Variants in OR2L13 observed in about 807,000 individuals in gnomAD.
The protein encoded by OR2L13 is olfactory receptor family 2 subfamily L member 13.
Under a neutral mutation model 15.3 loss-of-function variants are expected in OR2L13, and 14 were observed. The ratio of observed to expected loss-of-function variants is 0.91; its 90% CI spans 0.60 to 1.43. The LOEUF is 1.43. OR2L13 is among the 40% of genes most tolerant of loss of function. The pLI is 0.00. For synonymous variants in OR2L13, 152 were observed against 142.9 expected (o/e 1.06, Z -0.45); for missense variants, 367 against 387.9 (o/e 0.95, Z 0.45).
At chr1:248,096,397 T>C (rs570484766), upstream of OR2L13, among the ~76,000 whole-genome samples, 3 of 145,134 alleles carry the variant, frequency 2.1e-5, no homozygotes, top group African/African-American at 7.7e-5. Context: ...AAAAAAAAAA[T>C]GAAAACCAAG....
chr1:248,054,277 G>A, the OR2L13 span, among the ~76,000 whole-genome samples: 2 of 152,106 alleles, frequency 1.3e-5, no homozygotes, highest in Non-Finnish European at 2.9e-5. Flanking sequence ...TAGATGTGCA[G>A]TTTTATTTCT....
the OR2L13 span, among the ~76,000 whole-genome samples, chr1:247,967,231 GTTT>G: frequency 6.6e-6 from 1 of 151,762 alleles, no homozygotes; most frequent in Admixed American, 6.6e-5. Flanking sequence ...TTGTTTGTTT[GTTT>G]TTTTGTTTTT....
chr1:248,054,318 T>C, the OR2L13 span, among the ~76,000 whole-genome samples: 4 of 152,234 alleles, frequency 2.6e-5, no homozygotes, highest in African/African-American at 9.6e-5. Flanking sequence ...TTGGTCTATG[T>C]GCTTGTTTTT....
the OR2L13 span, among the ~76,000 whole-genome samples, chr1:248,030,800 G>A: frequency 6.6e-6 from 1 of 152,028 alleles, no homozygotes; most frequent in Non-Finnish European, 1.5e-5. Flanking sequence ...ATGGAATCAC[G>A]GAACAATCCT....
chr1:247,982,483 G>T, the OR2L13 span, among the ~76,000 whole-genome samples: 1 of 152,192 alleles, frequency 6.6e-6, no homozygotes, highest in Admixed American at 6.5e-5. Flanking sequence ...ATGCAATGAT[G>T]CATTCTGACT....
the OR2L13 span, among the ~76,000 whole-genome samples, chr1:248,025,661 G>A: frequency 4.0e-4 from 59 of 146,774 alleles, no homozygotes; most frequent in South Asian, 1.9e-3. Flanking sequence ...TATGTTTATC[G>A]CGGCACTATT....
chr1:247,948,868 A>G, the OR2L13 span: 26 of 1,603,726 alleles, frequency 1.6e-5, no homozygotes, highest in East Asian at 8.9e-5. Flanking sequence ...ATGGAAAATT[A>G]CAATCAAACA....
At chr1:248,002,908 T>C in the OR2L13 span, among the ~76,000 whole-genome samples, 1 of 151,902 alleles carries the variant, frequency 6.6e-6, no homozygotes, top group East Asian at 1.9e-4. Context: ...TGTTTGGAAC[T>C]GTTTCAGAAG....
chr1:247,988,075 T>G, the OR2L13 span, among the ~76,000 whole-genome samples: 1 of 152,166 alleles, frequency 6.6e-6, no homozygotes, highest in Non-Finnish European at 1.5e-5. Context: ...TAGGAAAATA[T>G]TTCTCACTTT....
the OR2L13 span, chr1:248,003,967 C>G: frequency 6.2e-7 from 1 of 1,613,938 alleles, no homozygotes. Flanking sequence ...TCTACACCAC[C>G]CTCACCCCAA....
At chr1:247,998,325 G>A in the OR2L13 span, among the ~76,000 whole-genome samples, 1 of 152,074 alleles carries the variant, frequency 6.6e-6, no homozygotes, top group Admixed American at 6.6e-5. Flanking sequence ...ATCAATGGAA[G>A]AGATAGGGAT....
At chr1:247,969,402 G>A in the OR2L13 span, among the ~76,000 whole-genome samples, 7 of 152,080 alleles carry the variant, frequency 4.6e-5, no homozygotes, top group African/African-American at 1.7e-4. Context: ...TGGTGTTTTA[G>A]TCATGAAGTC....
the OR2L13 span, among the ~76,000 whole-genome samples, chr1:248,068,450 A>G: frequency 6.6e-6 from 1 of 152,232 alleles, no homozygotes; most frequent in Non-Finnish European, 1.5e-5. Flanking sequence ...GTCTGTTAGA[A>G]GGAAAACTAA....
At chr1:247,994,085 C>T in the OR2L13 span, among the ~76,000 whole-genome samples, 1 of 152,114 alleles carries the variant, frequency 6.6e-6, no homozygotes, top group Non-Finnish European at 1.5e-5. Context: ...CCCATTTGGT[C>T]TCAGAAGCTG....
exon 3 of OR2L13, chr1:248,100,180 G>C (rs1271837746): frequency 6.2e-7 from 1 of 1,614,016 alleles, no homozygotes; most frequent in South Asian, 1.1e-5. Flanking sequence ...CTCACCAGCT[G>C]AAGACAAGAT....
chr1:248,050,172 C>T, the OR2L13 span, among the ~76,000 whole-genome samples: 1 of 152,030 alleles, frequency 6.6e-6, no homozygotes, highest in African/African-American at 2.4e-5. Flanking sequence ...GTCCTACTCA[C>T]TCTGAAATAG....
At chr1:248,025,866 G>A in the OR2L13 span, among the ~76,000 whole-genome samples, 7 of 150,108 alleles carry the variant, frequency 4.7e-5, no homozygotes, top group African/African-American at 1.5e-4. Context: ...ACCAAACACC[G>A]CATATTCTTA....
At chr1:248,077,137 A>G in the OR2L13 span, among the ~76,000 whole-genome samples, 1 of 152,086 alleles carries the variant, frequency 6.6e-6, no homozygotes. Context: ...CATGTGATAA[A>G]TTACATTTAT....
the OR2L13 span, among the ~76,000 whole-genome samples, chr1:248,000,248 G>T: frequency 6.6e-6 from 1 of 151,886 alleles, no homozygotes; most frequent in Non-Finnish European, 1.5e-5. Flanking sequence ...GCTGAGGAAA[G>T]TATAGGGAGG....
Sources: gnomAD v4.1 joint callset for allele counts (sites outside exome capture counted in the v4.1 genomes callset) on GRCh38, gnomAD v4.1.1 for gene constraint, MANE v1.5 for transcripts, NCBI Gene and HGNC (gene_info 2026-07-23, HGNC 2026-07-21) for gene names.